The following ACLY variants were observed in gnomAD, a reference collection of about 807,000 sequenced individuals.
The protein encoded by ACLY is ATP citrate lyase.
ACLY carries 41 observed loss-of-function variants against 133.0 expected under a neutral mutation model. The observed-to-expected ratio is 0.31, with a 90% CI of 0.24 to 0.40. The LOEUF (loss-of-function observed/expected upper bound fraction) is 0.40. Ranked by LOEUF, ACLY falls within the 10% of genes least tolerant of loss-of-function variation. The pLI, the probability that ACLY is intolerant of heterozygous loss-of-function variation, is 1.00. For synonymous variants in ACLY, 495 were observed against 549.3 expected (o/e 0.90, Z 1.38); for missense variants, 1,046 against 1,453.8 (o/e 0.72, Z 4.56).
At chr17:41,907,715 C>A in intron 6 of ACLY, 143 bp from the exon 7 acceptor site, 2 of 912,786 alleles carry the variant, frequency 2.2e-6, no homozygotes, top group Non-Finnish European at 3.2e-6. Flanking sequence ...ACCAGAGAGG[C>A]CCTTATGGAG....
In ACLY at chr17:41,898,626, C is replaced by T; in HGVS notation, c.1338+5G>A. On this transcript the variant is annotated splice_donor_5th_base_variant and intron_variant, in intron 12 of 28. Coordinates refer to ENST00000352035, the MANE Select transcript of ACLY (RefSeq NM_001096.3). ...CCTGTAAGGTTTGGGGAGGCTGGAA[C>T]CTACCGATGTGCTCCCGCTGGCGTT... 2 of 1,613,098 alleles carry T rather than the reference C, an allele frequency of 1.2e-6. No homozygotes were observed. Among genetic ancestry groups the T allele is most frequent in the Non-Finnish European group, 1.7e-6 (2 of 1,179,722 alleles).
At chr17:41,901,592 T>G (rs1432454635) in intron 11 of ACLY, 104 bp downstream of exon 11, 8 of 922,152 alleles carry the variant, frequency 8.7e-6, no homozygotes, top group African/African-American at 1.7e-5. Context: ...GGAAGGGGAG[T>G]AGAGAGCAAA....
At chr17:41,918,132 G>A (rs2050103363) in intron 1 of ACLY, among the ~76,000 whole-genome samples, 1 of 152,178 alleles carries the variant, frequency 6.6e-6, no homozygotes. Context: ...GGAGGGCGGC[G>A]GCAGCATCCT....
intron 11 of ACLY, among the ~76,000 whole-genome samples, chr17:41,901,298 C>T (rs905511806): frequency 1.3e-5 from 2 of 151,896 alleles, no homozygotes; most frequent in Non-Finnish European, 2.9e-5. Flanking sequence ...AAGGCTGCCC[C>T]GACCCCTCCC....
intron 3 of ACLY, 57 bp downstream of exon 3, chr17:41,912,363 G>T: frequency 6.3e-7 from 1 of 1,594,418 alleles, no homozygotes. Flanking sequence ...TGACCTGGAG[G>T]TGACCATATT....
At chr17:41,901,961 T>C (rs2049554050) in intron 10 of ACLY, 148 bp from the exon 11 acceptor site, 1 of 617,936 alleles carries the variant, frequency 1.6e-6, no homozygotes. Flanking sequence ...CGGCCTGGGA[T>C]ATGATCACTC....
intron 22 of ACLY, 83 bp from the exon 23 acceptor site, chr17:41,874,048 C>G (rs1384979786): frequency 6.7e-6 from 9 of 1,346,440 alleles, no homozygotes; most frequent in Non-Finnish European, 8.8e-6. Flanking sequence ...TGTGTACTCT[C>G]AGAACCAAAG....
chr17:41,876,010 C>T (rs34667330), intron 22 of ACLY, among the ~76,000 whole-genome samples: 2,694 of 151,738 alleles, frequency 0.018, 21 homozygotes, highest in Non-Finnish European at 0.026. Context: ...CGCCTCTTCC[C>T]GGCCGCCATC....
intron 1 of ACLY, among the ~76,000 whole-genome samples, chr17:41,918,172 G>T (rs2050105039): frequency 6.6e-6 from 1 of 152,206 alleles, no homozygotes; most frequent in Admixed American, 6.5e-5. Flanking sequence ...TCCCCGGCCA[G>T]ACTTGGCGTC....
chr17:41,898,569 G>GTATCCTAGTGGAAAAGATGAGATGGTTCC lies in ACLY; in HGVS notation c.1338+33_1338+61dup. 3 of 1,581,054 alleles carry GTATCCTAGTGGAAAAGATGAGATGGTTCC rather than the reference G, an allele frequency of 1.9e-6. No homozygotes were observed. The South Asian group carries it at 3.4e-5, about 18-fold the overall frequency. On this transcript the variant is annotated intron_variant, in intron 12 of 28. Coordinates refer to ENST00000352035, the MANE Select transcript of ACLY (RefSeq NM_001096.3). The stretch of plus-strand genomic sequence containing the variant: ...CCCCAGGGAACAGAGGAAGAAGACT[G>GTATCCTAGTGGAAAAGATGAGATGGTTCC]TATCCTAGTGGAAAAGATGAGATGG...
chr17:41,887,127 G>GAA (rs535668437), intron 17 of ACLY, among the ~76,000 whole-genome samples: 1,499 of 109,992 alleles, frequency 0.014, 71 homozygotes, highest in East Asian at 0.028. Context: ...CCGTCTCAAA[G>GAA]AAAAAAAAAA....
chr17:41,926,080 G>C (rs1555635932), intron 1 of ACLY, among the ~76,000 whole-genome samples: 2 of 152,098 alleles, frequency 1.3e-5, no homozygotes, highest in Admixed American at 1.3e-4. Context: ...CCCGACTCGA[G>C]GTGATCTGCC....
Position 41,901,803 on chromosome 17 carries a change from C to G in ACLY, c.1076G>C (p.Arg359Thr), listed in dbSNP as rs781964690. 6.3e-7 allele frequency: 1 copy of G among 1,580,560 alleles called. No homozygotes were observed. Among genetic ancestry groups the G allele is most frequent in the South Asian group, 1.1e-5 (1 of 87,340 alleles). The change falls in exon 11 of 29, where the codon AGA becomes ACA. Residue 359 changes from arginine (R) to threonine (T), a missense_variant. Around this residue, in one of 4 missense-constraint regions of ACLY, gnomAD observed 575 missense variants for 804.2 expected, o/e 0.71. Transcript: ENST00000352035. ...NVAATFKGIV[R>T]AIRDYQGPLK... is the part of the protein sequence containing the mutation. ...GGGGCCCTGGTAATCTCGAATTGCT[C>G]TCACGATGCCCTGGAAGCCCAAAGT... is the stretch of plus-strand genomic sequence containing the variant.
At chr17:41,903,615 G>C (rs1281031115) in intron 10 of ACLY, among the ~76,000 whole-genome samples, 1 of 151,910 alleles carries the variant, frequency 6.6e-6, no homozygotes, top group African/African-American at 2.4e-5. Flanking sequence ...AATTAGCCGG[G>C]TGTGGTGGCG....
intron 11 of ACLY, among the ~76,000 whole-genome samples, chr17:41,899,458 C>T (rs2049465172): frequency 1.3e-5 from 2 of 152,098 alleles, no homozygotes; most frequent in African/African-American, 2.4e-5. Flanking sequence ...CCCATTCCCC[C>T]AGGGCTCTGG....
At chr17:41,919,032 G>A (rs1205757569), upstream of ACLY, 3 of 1,284,272 alleles carry the variant, frequency 2.3e-6, no homozygotes, top group African/African-American at 3.1e-5. Flanking sequence ...CGGCGAGAAC[G>A]GCCCCGCGAT....
intron 14 of ACLY, among the ~76,000 whole-genome samples, chr17:41,893,900 C>A (rs999186657): frequency 2.0e-5 from 3 of 152,136 alleles, no homozygotes; most frequent in Non-Finnish European, 4.4e-5. Context: ...CTTGGACAGA[C>A]CCTCCAGTGG....
At chr17:41,909,426 C>A in intron 5 of ACLY, 84 bp downstream of exon 5, 24 of 1,464,502 alleles carry the variant, frequency 1.6e-5, no homozygotes, top group East Asian at 2.3e-5. Flanking sequence ...GAGAGGAGAC[C>A]GCTCTGCTCT....
intron 22 of ACLY, among the ~76,000 whole-genome samples, chr17:41,874,496 C>CATG (rs1567884626): frequency 1.3e-5 from 2 of 151,970 alleles, no homozygotes; most frequent in African/African-American, 4.8e-5. Context: ...TGGTCTTAAA[C>CATG]TCTTGTGCTC....
Sources: gnomAD v4.1 joint callset for allele counts (sites outside exome capture counted in the v4.1 genomes callset) on GRCh38, gnomAD v4.1.1 for gene constraint, gnomAD v4.1.1 regional missense constraint, MANE v1.5 for transcripts, NCBI Gene and HGNC (gene_info 2026-07-23, HGNC 2026-07-21) for gene names.